The following CYFIP2 variants were observed in gnomAD, a reference collection of about 807,000 sequenced individuals.
CYFIP2 encodes cytoplasmic FMR1 interacting protein 2, also known as cytoplasmic FMR1-interacting protein 2.
In CYFIP2, 29 loss-of-function variants were observed where a neutral mutation model predicts 158.7. The ratio of observed to expected loss-of-function variants is 0.18; its 90% CI spans 0.14 to 0.25. The LOEUF (loss-of-function observed/expected upper bound fraction) is 0.25, where lower values mean the gene tolerates loss of function less well. Among genes scored for constraint, CYFIP2 ranks in the 10% least tolerant of loss-of-function variants. The pLI, the probability that CYFIP2 is intolerant of heterozygous loss-of-function variation, is 1.00. For synonymous variants in CYFIP2, 585 were observed against 617.6 expected (o/e 0.95, Z 0.78); for missense variants, 852 against 1,639.5 (o/e 0.52, Z 8.29).
intron 11 of CYFIP2, among the ~76,000 whole-genome samples, chr5:157,312,713 C>T (rs1430621467): frequency 6.6e-6 from 1 of 152,188 alleles, no homozygotes; most frequent in Non-Finnish European, 1.5e-5. Context: ...AATGCAAGGC[C>T]TCGTGGCCAT....
chr5:157,317,069 A>G (rs752811790), intron 13 of CYFIP2, among the ~76,000 whole-genome samples: 15 of 152,328 alleles, frequency 9.8e-5, no homozygotes, highest in Non-Finnish European at 1.6e-4. Flanking sequence ...AAAACTATTT[A>G]TGCACTTATT....
At position 157,339,372 on chromosome 5, in the gene CYFIP2, A is replaced by G. The variant is rs1429127576; in HGVS notation, c.2585+116A>G. The G allele has an allele frequency of 3.3e-6, 3 of 899,748 alleles. No individual in the cohort carries two copies. The African/African-American group carries it at 5.0e-5, about 15-fold the overall frequency. 55.7% of individuals were successfully genotyped at this position (899,748 alleles called of 1,614,324 possible). A position where few individuals can be genotyped will look rare whatever the true frequency, so the allele number is the denominator to read the frequency against. ...GGTTCCTGCAACAGGTGTCTCTCAG[A>G]GCCCCTCCTGGGCACAGGCTTTGTG... is the stretch of plus-strand genomic sequence containing the variant. On this transcript the variant is annotated intron_variant, in intron 22 of 30. Coordinates refer to ENST00000620254, the MANE Select transcript of CYFIP2 (RefSeq NM_001037333.3).
intron 26 of CYFIP2, among the ~76,000 whole-genome samples, chr5:157,374,524 C>T (rs1032092858): frequency 6.6e-6 from 1 of 152,072 alleles, no homozygotes; most frequent in African/African-American, 2.4e-5. Flanking sequence ...TCATTGTCTC[C>T]CAGCAAAAGC....
chr5:157,351,654 G>A (rs1336404970), intron 23 of CYFIP2, among the ~76,000 whole-genome samples: 1 of 152,186 alleles, frequency 6.6e-6, no homozygotes, highest in Non-Finnish European at 1.5e-5. Flanking sequence ...GCCTGGGCCT[G>A]TTGGCCACTA....
chr5:157,357,512 C>T lies in CYFIP2; in HGVS notation c.2674-1493C>T, dbSNP rs527552694. ...TTCCATGTACAAGATTTTTGCAATT[C>T]CAGTTGGGAGAACTACACTCAGAAC... is the stretch of plus-strand genomic sequence containing the variant. On this transcript the variant is annotated intron_variant, in intron 23 of 30. Coordinates refer to ENST00000620254, the MANE Select transcript of CYFIP2 (RefSeq NM_001037333.3). Among the ~76,000 whole-genome samples, 4 of 152,216 alleles carry T rather than the reference C, an allele frequency of 2.6e-5. No homozygotes were observed. The South Asian group carries it at 8.3e-4, about 32-fold the overall frequency.
rs745542731 is a variant in CYFIP2, at chr5:157,319,940, G to C, written c.1523+12G>C. On this transcript the variant is annotated intron_variant, in intron 14 of 30. Coordinates refer to ENST00000620254, the MANE Select transcript of CYFIP2 (RefSeq NM_001037333.3). ...AATGTCCTCATCAGGTGGGTTTTCA[G>C]ATGCCTTCAGGAGCATATCAGACAT... 13 of 1,613,398 alleles carry C rather than the reference G, an allele frequency of 8.1e-6. No homozygotes were observed. Among genetic ancestry groups the C allele is most frequent in the Non-Finnish European group, 8.5e-7 (1 of 1,179,586 alleles).
chr5:157,361,387 G>A lies in CYFIP2; in HGVS notation c.2909-81G>A. 4 of 1,591,216 alleles carry A rather than the reference G, an allele frequency of 2.5e-6. No individual in the cohort carries two copies. Among genetic ancestry groups the A allele is most frequent in the Admixed American group, 3.4e-5 (2 of 59,292 alleles). ...TTTGCTATCCCAGAGTCAGGTCTGG[G>A]GCTGCCACTCAGTCATTGTTTCCCA... On this transcript the variant is annotated intron_variant, in intron 25 of 30. Coordinates refer to ENST00000620254, the MANE Select transcript of CYFIP2 (RefSeq NM_001037333.3). This position sits in a 1 kb window ranked among gnomAD's most constrained non-coding sequence, Gnocchi z 4.4.
intron 18 of CYFIP2, among the ~76,000 whole-genome samples, chr5:157,327,104 T>C (rs1761085552): frequency 6.6e-6 from 1 of 152,238 alleles, no homozygotes; most frequent in African/African-American, 2.4e-5. Context: ...ATTTCTGAAA[T>C]ATTTGGTTTG....
At chr5:157,289,407 AC>A (rs1757649830) in intron 3 of CYFIP2, among the ~76,000 whole-genome samples, 1 of 152,238 alleles carries the variant, frequency 6.6e-6, no homozygotes, top group Non-Finnish European at 1.5e-5. Context: ...GGATACCTTA[AC>A]AAAGTGCCAC....
At chr5:157,364,850 G>A (rs893012088) in intron 26 of CYFIP2, 5 of 151,954 alleles carry the variant, frequency 3.3e-5, no homozygotes, top group African/African-American at 1.2e-4. Context: ...AAGGAAAGAT[G>A]CCTAATGGCC....
intron 26 of CYFIP2, among the ~76,000 whole-genome samples, chr5:157,366,057 G>C (rs953883803): frequency 6.6e-6 from 1 of 152,074 alleles, no homozygotes; most frequent in African/African-American, 2.4e-5. Flanking sequence ...TTTTCAAATT[G>C]TACCAATTTA....
intron 10 of CYFIP2, 80 bp downstream of exon 10, chr5:157,309,914 C>A: frequency 7.6e-7 from 1 of 1,316,270 alleles, no homozygotes; most frequent in Non-Finnish European, 1.1e-6. Flanking sequence ...ACTTCAGCCC[C>A]TCCTCCCTCC....
intron 21 of CYFIP2, among the ~76,000 whole-genome samples, chr5:157,333,934 G>A (rs1208070271): frequency 6.6e-6 from 1 of 152,182 alleles, no homozygotes. Flanking sequence ...GCACAAGCCT[G>A]GAATAGGCCT....
chr5:157,323,051 C>G, intron 15 of CYFIP2: 1 of 1,532,528 alleles, frequency 6.5e-7, no homozygotes, highest in South Asian at 1.2e-5. Context: ...GTTTGGGTAC[C>G]CTTCTCGAGG....
intron 24 of CYFIP2, 92 bp downstream of exon 24, chr5:157,359,240 C>A: frequency 2.0e-6 from 3 of 1,470,694 alleles, no homozygotes; most frequent in Non-Finnish European, 2.8e-6. Context: ...CCTGTAAAAA[C>A]AAATCCCAGG....
intron 28 of CYFIP2, among the ~76,000 whole-genome samples, chr5:157,386,781 G>A (rs549319803): frequency 3.3e-5 from 5 of 152,206 alleles, no homozygotes; most frequent in South Asian, 2.1e-4. Context: ...TTAGTCGGGC[G>A]TGGTGGCCCA....
At chr5:157,315,825 C>A (rs1030911901) in intron 13 of CYFIP2, among the ~76,000 whole-genome samples, 1 of 152,170 alleles carries the variant, frequency 6.6e-6, no homozygotes, top group African/African-American at 2.4e-5. Flanking sequence ...ATGGCTCACA[C>A]CTGTAATCCT....
Position 157,327,873 on chromosome 5 carries a change from A to T in CYFIP2, c.2080-100A>T. The T allele has an allele frequency of 3.5e-6, 4 of 1,137,614 alleles. No homozygotes were observed. In the South Asian group the frequency reaches 5.5e-5, roughly 16 times the overall value. 70.5% of individuals were successfully genotyped at this position (1,137,614 alleles called of 1,614,324 possible). ...TTCAAAGCGTCTTTCCCCAGAATGC[A>T]CTCTGGGCAATCCTGCCTGACTGCT... On this transcript the variant is annotated intron_variant, in intron 18 of 30. Coordinates refer to ENST00000620254, the MANE Select transcript of CYFIP2 (RefSeq NM_001037333.3).
intron 1 of CYFIP2, among the ~76,000 whole-genome samples, chr5:157,279,726 A>G (rs1052105825): frequency 6.6e-6 from 1 of 152,282 alleles, no homozygotes; most frequent in Non-Finnish European, 1.5e-5. Context: ...TGATGCTCCC[A>G]GAACACTGTT....
Sources: allele counts gnomAD v4.1 joint callset (sites outside exome capture counted in the v4.1 genomes callset), GRCh38; gene constraint gnomAD v4.1.1; non-coding constraint Gnocchi (gnomAD v3.1); transcripts MANE v1.5; gene names NCBI Gene and HGNC (gene_info 2026-07-23, HGNC 2026-07-21).